The following GFPT1 variants were observed in gnomAD, a reference collection of about 807,000 sequenced individuals.
The protein encoded by GFPT1 is glutamine--fructose-6-phosphate aminotransferase [isomerizing] 1.
Under a neutral mutation model 92.0 loss-of-function variants are expected in GFPT1, and 40 were observed. The observed-to-expected ratio is 0.43, with a 90% confidence interval of 0.34 to 0.57. GFPT1 has a LOEUF of 0.57. Ranked by LOEUF, GFPT1 falls within the 20% of genes least tolerant of loss-of-function variation. The pLI, the probability that GFPT1 is intolerant of heterozygous loss-of-function variation, is 0.02. For missense variants in GFPT1, 448 were observed against 869.1 expected, an observed-to-expected ratio of 0.52 and a Z score of 6.09; for synonymous variants, 269 against 280.6, an observed-to-expected ratio of 0.96 and a Z score of 0.41.
intron 2 of GFPT1, 30 bp downstream of exon 2, chr2:69,373,976 G>A: frequency 2.0e-6 from 2 of 986,976 alleles, no homozygotes; most frequent in Non-Finnish European, 3.3e-6. Context: ...AAAGAATCAT[G>A]CAAAATCCAT....
intron 1 of GFPT1, among the ~76,000 whole-genome samples, chr2:69,382,679 T>C (rs1251377186): frequency 2.6e-5 from 4 of 152,204 alleles, no homozygotes; most frequent in Non-Finnish European, 4.4e-5. Context: ...ATTTCCTCCT[T>C]CATCTGGTAG....
rs1444445378 is a variant in GFPT1, at chr2:69,323,031, A to AT, written c.*3157dup. On this transcript the variant is annotated 3_prime_UTR_variant, in exon 20 of 20. Coordinates refer to ENST00000357308, the MANE Select transcript of GFPT1 (RefSeq NM_001244710.2). ...CAATGCCAACCACAGTGACTTTCCC[A>AT]TAATAGGTATTAATAAACACTTGTT... is the stretch of plus-strand genomic sequence containing the variant. 1.3e-5 allele frequency: 2 copies of AT among 152,254 alleles called. No homozygotes were observed. Among genetic ancestry groups the AT allele is most frequent in the African/African-American group, 4.8e-5 (2 of 41,460 alleles). The allele number at this position is 152,254 out of a possible 1,614,324, so 9.4% of individuals were successfully genotyped here.
intron 1 of GFPT1, among the ~76,000 whole-genome samples, chr2:69,375,743 T>C (rs1671854704): frequency 6.6e-6 from 1 of 152,216 alleles, no homozygotes; most frequent in African/African-American, 2.4e-5. Context: ...GTAGAACATC[T>C]ATCTTACATA....
intron 12 of GFPT1, among the ~76,000 whole-genome samples, chr2:69,345,079 A>G (rs956407700): frequency 6.6e-6 from 1 of 152,136 alleles, no homozygotes. Context: ...AACCATCTTC[A>G]ACAACCACCT....
chr2:69,383,423 T>C (rs1268767240), intron 1 of GFPT1, among the ~76,000 whole-genome samples: 2 of 152,198 alleles, frequency 1.3e-5, no homozygotes, highest in African/African-American at 4.8e-5. Flanking sequence ...TATGTAAGGA[T>C]ATGTTAATAG....
intron 10 of GFPT1, among the ~76,000 whole-genome samples, chr2:69,349,709 G>A (rs114276576): frequency 2.0e-3 from 302 of 152,126 alleles, no homozygotes; most frequent in African/African-American, 6.9e-3. Context: ...AACTACAATA[G>A]TTTAGCAACT....
rs1207551096 is a variant in GFPT1, at chr2:69,323,719, A to C, written c.*2470T>G. On this transcript the variant is annotated 3_prime_UTR_variant, in exon 20 of 20. Coordinates refer to ENST00000357308, the MANE Select transcript of GFPT1 (RefSeq NM_001244710.2). ...TTTGAGAGAGTCTTGCTCTGTCGCC[A>C]GGCTGGAGTGTAGTGGCGTGATCTC... The C allele has an allele frequency of 6.7e-6, 1 of 148,390 alleles. No individual in the cohort carries two copies. The highest frequency in any genetic ancestry group is 1.5e-5 in the Non-Finnish European group (1 of 67,558). 9.2% of individuals were successfully genotyped at this position (148,390 alleles called of 1,614,324 possible). A position where few individuals can be genotyped will look rare whatever the true frequency, so the allele number is the denominator to read the frequency against.
intron 1 of GFPT1, among the ~76,000 whole-genome samples, chr2:69,385,938 C>T (rs1574096334): frequency 6.6e-6 from 1 of 151,646 alleles, no homozygotes; most frequent in East Asian, 1.9e-4. Flanking sequence ...CGAGTACAAT[C>T]CACCTCCTGT....
In GFPT1 at chr2:69,329,559, C is replaced by T. The variant is rs72905158; in HGVS notation, c.1597+125G>A. ...CAGTATGGGTATTTTTTTAATACATCGGAGCAAACGTAGAAAGATCTTATT... is the reference window on the plus strand; with the variant it reads ...CAGTATGGGTATTTTTTTAATACATTGGAGCAAACGTAGAAAGATCTTATT... On this transcript the variant is annotated intron_variant, in intron 16 of 19. Coordinates refer to ENST00000357308, the MANE Select transcript of GFPT1 (RefSeq NM_001244710.2). 8,046 of 941,808 alleles carry T rather than the reference C, an allele frequency of 8.5e-3. 401 individuals are homozygous for T. In the African/African-American group the frequency reaches 0.12, roughly 14 times the overall value. The allele number at this position is 941,808 out of a possible 1,614,324, so 58.3% of individuals were successfully genotyped here.
chr2:69,360,440 A>ATTT (rs1553391768), intron 4 of GFPT1, among the ~76,000 whole-genome samples: 11 of 100,162 alleles, frequency 1.1e-4, no homozygotes, highest in African/African-American at 5.6e-4. Flanking sequence ...AATTATCAAA[A>ATTT]TATTTTTTTT....
chr2:69,347,866 C>A (rs1167630703), intron 11 of GFPT1, among the ~76,000 whole-genome samples: 1 of 151,986 alleles, frequency 6.6e-6, no homozygotes, highest in East Asian at 1.9e-4. Flanking sequence ...AACTAAAGCA[C>A]AAAGAGAATA....
Position 69,329,743 on chromosome 2 carries a change from T to C in GFPT1, c.1538A>G (p.Asp513Gly). Residue 513 changes from aspartate (D) to glycine (G), a missense_variant, in exon 16 of 20, where the codon GAT (aspartate) becomes GGT (glycine). Coordinates refer to ENST00000357308, the MANE Select transcript of GFPT1 (RefSeq NM_001244710.2). ...LVMFALMMCD[D>G]RISMQERRKE... The stretch of plus-strand genomic sequence containing the variant: ...GCGTCTTTCTTGCATGGAGATCCGA[T>C]CATCACACATCATAAGGGCAAACAT... 6.2e-7 allele frequency: 1 copy of C among 1,613,528 alleles called. No individual in the cohort carries two copies. The highest frequency in any genetic ancestry group is 8.5e-7 in the Non-Finnish European group (1 of 1,179,474).
chr2:69,351,674 G>C (rs530233834), intron 9 of GFPT1, among the ~76,000 whole-genome samples: 1 of 152,100 alleles, frequency 6.6e-6, no homozygotes, highest in Non-Finnish European at 1.5e-5. Flanking sequence ...GTGATTATTT[G>C]ATGTTTTAGT....
At chr2:69,376,879 T>C (rs1671883689) in intron 1 of GFPT1, among the ~76,000 whole-genome samples, 1 of 152,204 alleles carries the variant, frequency 6.6e-6, no homozygotes, top group Non-Finnish European at 1.5e-5. Context: ...TGATATAAAA[T>C]TGTTTTTAAG....
chr2:69,339,722 T>TTAAGG (rs1558739993), intron 13 of GFPT1, among the ~76,000 whole-genome samples: 1 of 152,186 alleles, frequency 6.6e-6, no homozygotes, highest in Non-Finnish European at 1.5e-5. Flanking sequence ...CCTTAACTTT[T>TTAAGG]GCTTGCCCAC....
chr2:69,327,119 A>G (rs921388439), intron 18 of GFPT1, 44 bp from the exon 19 acceptor site: 1 of 1,590,080 alleles, frequency 6.3e-7, no homozygotes, highest in East Asian at 2.2e-5. Context: ...ACTGGTGGGC[A>G]AAGGCAGGGC....
intron 4 of GFPT1, among the ~76,000 whole-genome samples, chr2:69,360,712 T>C (rs188852776): frequency 1.3e-5 from 2 of 152,234 alleles, no homozygotes; most frequent in Admixed American, 1.3e-4. Flanking sequence ...ATTACAGACA[T>C]GAGCCACTAT....
In GFPT1 at chr2:69,370,121, G is replaced by A. The variant is rs1302433280; in HGVS notation, c.116-13C>T. On this transcript the variant is annotated splice_polypyrimidine_tract_variant and intron_variant, in intron 2 of 19. Coordinates refer to ENST00000357308, the MANE Select transcript of GFPT1 (RefSeq NM_001244710.2). ...TCAAATCCCACACCTAAACCATCAT[G>A]AGGTAAAAAAGCAAAATTTAGAAAC... 1.3e-6 allele frequency: 2 copies of A among 1,563,568 alleles called. No individual in the cohort carries two copies. Among genetic ancestry groups the A allele is most frequent in the South Asian group, 1.1e-5 (1 of 90,000 alleles).
intron 15 of GFPT1, among the ~76,000 whole-genome samples, chr2:69,330,303 C>G (rs1185522433): frequency 6.6e-6 from 1 of 152,158 alleles, no homozygotes; most frequent in South Asian, 2.1e-4. Flanking sequence ...AATGACTCAA[C>G]CTTTATTTCT....
Sources: gnomAD v4.1 joint callset for allele counts (sites outside exome capture counted in the v4.1 genomes callset) on GRCh38, gnomAD v4.1.1 for gene constraint, MANE v1.5 for transcripts, NCBI Gene and HGNC (gene_info 2026-07-23, HGNC 2026-07-21) for gene names.